Variants in GALNTL6 observed in about 807,000 individuals in gnomAD.
GALNTL6 encodes the protein polypeptide N-acetylgalactosaminyltransferase-like 6.
In GALNTL6, 46 loss-of-function variants were observed where a neutral mutation model predicts 73.7. The observed-to-expected ratio is 0.62, with a 90% confidence interval of 0.49 to 0.80. The LOEUF (loss-of-function observed/expected upper bound fraction) is 0.80. GALNTL6 is among the 30% of genes least tolerant of loss of function. The pLI is 0.00. For missense variants in GALNTL6, 604 were observed against 755.0 expected, an observed-to-expected ratio of 0.80 and a Z score of 2.34; for synonymous variants, 259 against 263.7, an observed-to-expected ratio of 0.98 and a Z score of 0.17.
chr4:172,922,948 G>A (rs1747868354), intron 8 of GALNTL6, among the ~76,000 whole-genome samples: 1 of 152,144 alleles, frequency 6.6e-6, no homozygotes, highest in East Asian at 1.9e-4. Context: ...GAGACCCTGA[G>A]GAAATGGAGG....
At chr4:171,881,302 A>G (rs1002524442) in intron 2 of GALNTL6, among the ~76,000 whole-genome samples, 1 of 152,138 alleles carries the variant, frequency 6.6e-6, no homozygotes, top group Non-Finnish European at 1.5e-5. Context: ...TTAACATGAG[A>G]AATCTTGTGT....
intron 5 of GALNTL6, among the ~76,000 whole-genome samples, chr4:172,377,250 A>T (rs1373326676): frequency 6.6e-6 from 1 of 152,136 alleles, no homozygotes; most frequent in Non-Finnish European, 1.5e-5. Context: ...TGCGTTTACA[A>T]TCCCTGAGCT....
intron 5 of GALNTL6, among the ~76,000 whole-genome samples, chr4:172,549,365 A>G (rs950323763): frequency 6.6e-6 from 1 of 152,050 alleles, no homozygotes; most frequent in Non-Finnish European, 1.5e-5. Flanking sequence ...AAACTTCCTA[A>G]CCCTAGTTTC....
At chr4:172,126,166 A>C (rs1321217390) in intron 2 of GALNTL6, among the ~76,000 whole-genome samples, 1 of 152,190 alleles carries the variant, frequency 6.6e-6, no homozygotes, top group East Asian at 1.9e-4. Context: ...TATGTGAATT[A>C]ATAGACTCAA....
chr4:172,947,809 G>A (rs1453809242), intron 9 of GALNTL6, among the ~76,000 whole-genome samples: 1 of 152,102 alleles, frequency 6.6e-6, no homozygotes, highest in Non-Finnish European at 1.5e-5. Flanking sequence ...GTGAATGTGT[G>A]GTATGCGTGC....
intron 5 of GALNTL6, among the ~76,000 whole-genome samples, chr4:172,777,047 T>C (rs1288473257): frequency 6.6e-6 from 1 of 152,228 alleles, no homozygotes; most frequent in Non-Finnish European, 1.5e-5. Flanking sequence ...TTGACTTTTT[T>C]GTGGTTAGAA....
At chr4:172,040,345 A>G (rs1742048905) in intron 2 of GALNTL6, among the ~76,000 whole-genome samples, 1 of 151,918 alleles carries the variant, frequency 6.6e-6, no homozygotes, top group Non-Finnish European at 1.5e-5. Flanking sequence ...TTTTTTTCTC[A>G]GTTTTACTCT....
intron 2 of GALNTL6, among the ~76,000 whole-genome samples, chr4:172,037,098 C>T (rs1741948526): frequency 6.6e-6 from 1 of 152,108 alleles, no homozygotes; most frequent in African/African-American, 2.4e-5. Flanking sequence ...TATATGTATA[C>T]ATAAATTTAA....
At chr4:172,372,649 T>C (rs1389757736) in intron 5 of GALNTL6, among the ~76,000 whole-genome samples, 1 of 152,204 alleles carries the variant, frequency 6.6e-6, no homozygotes, top group African/African-American at 2.4e-5. Flanking sequence ...AGTTTTGTCC[T>C]GTCAGAAGGC....
chr4:172,486,623 G>T (rs1733680189), intron 5 of GALNTL6, among the ~76,000 whole-genome samples: 1 of 152,102 alleles, frequency 6.6e-6, no homozygotes, highest in Non-Finnish European at 1.5e-5. Context: ...CCATTATGAT[G>T]ACCTTGTAGA....
At chr4:172,010,985 G>A (rs1740989075) in intron 2 of GALNTL6, among the ~76,000 whole-genome samples, 1 of 152,010 alleles carries the variant, frequency 6.6e-6, no homozygotes, top group Non-Finnish European at 1.5e-5. Context: ...TTGATTAATA[G>A]AGAAATTGCA....
At chr4:172,971,931 A>G (rs2126409289) in intron 10 of GALNTL6, among the ~76,000 whole-genome samples, 1 of 152,322 alleles carries the variant, frequency 6.6e-6, no homozygotes, top group African/African-American at 2.4e-5. Context: ...TCTCTGCTGT[A>G]TATGAGACAT....
rs200232726 is a variant in GALNTL6, at chr4:172,322,460, A to G, written c.386+10708A>G. Among the ~76,000 whole-genome samples the G allele has an allele frequency of 8.0e-4, 122 of 152,318 alleles. 2 individuals carry two copies. The South Asian group carries it at 0.016, about 19-fold the overall frequency. On this transcript the variant is annotated intron_variant, in intron 4 of 12. Coordinates refer to ENST00000506823, the MANE Select transcript of GALNTL6 (RefSeq NM_001034845.3). ...TTATGGAATATGAATGTATGAATTT[A>G]TACTCACATTACTATAAGGAACTAC... is the stretch of plus-strand genomic sequence containing the variant.
At chr4:172,622,893 A>T (rs1249407344) in intron 5 of GALNTL6, among the ~76,000 whole-genome samples, 1 of 152,176 alleles carries the variant, frequency 6.6e-6, no homozygotes, top group Admixed American at 6.6e-5. Flanking sequence ...AGTAAAATGT[A>T]TCTAGAAAAC....
intron 2 of GALNTL6, among the ~76,000 whole-genome samples, chr4:172,066,275 G>C (rs527685690): frequency 6.6e-6 from 1 of 152,034 alleles, no homozygotes; most frequent in African/African-American, 2.4e-5. Flanking sequence ...CCCAACTCCT[G>C]GAAGCCACTG....
intron 5 of GALNTL6, among the ~76,000 whole-genome samples, chr4:172,487,030 CTT>C (rs1236697812): frequency 2.0e-5 from 3 of 152,140 alleles, no homozygotes; most frequent in African/African-American, 4.8e-5. Flanking sequence ...ATACTTGTAA[CTT>C]AATGCAATTG....
At chr4:172,774,846 G>C (rs1182510538) in intron 5 of GALNTL6, among the ~76,000 whole-genome samples, 1 of 152,030 alleles carries the variant, frequency 6.6e-6, no homozygotes, top group Admixed American at 6.6e-5. Flanking sequence ...TGTAGTCCCA[G>C]CTACTCGGGA....
At chr4:172,128,411 T>C (rs1245228398) in intron 2 of GALNTL6, among the ~76,000 whole-genome samples, 3 of 152,124 alleles carry the variant, frequency 2.0e-5, no homozygotes, top group African/African-American at 4.8e-5. Flanking sequence ...AAAGATCCTA[T>C]AGATTTCCTT....
At chr4:172,752,046 T>TAAAAAAAAA (rs5864166) in intron 5 of GALNTL6, among the ~76,000 whole-genome samples, 1 of 135,020 alleles carries the variant, frequency 7.4e-6, no homozygotes, top group Admixed American at 7.3e-5. Context: ...AACTTAAACT[T>TAAAAAAAAA]AAAAAAAAAA....
Sources: gnomAD v4.1 joint callset for allele counts (sites outside exome capture counted in the v4.1 genomes callset) on GRCh38, gnomAD v4.1.1 for gene constraint, MANE v1.5 for transcripts, NCBI Gene and HGNC (gene_info 2026-07-23, HGNC 2026-07-21) for gene names.